SMYD3: variants seen among roughly 807,000 people sequenced by gnomAD.
SMYD3 encodes the protein SET and MYND domain containing 3.
A neutral mutation model predicts 57.7 loss-of-function variants in SMYD3; 36 were observed. The observed-to-expected ratio is 0.62, with a 90% CI of 0.48 to 0.82. SMYD3 has a LOEUF of 0.82. Ranked by LOEUF, SMYD3 falls within the 40% of genes least tolerant of loss-of-function variation. The pLI is 0.00. For missense variants in SMYD3, 515 were observed against 538.8 expected (o/e 0.96, Z 0.44); for synonymous variants, 211 against 195.0 (o/e 1.08, Z -0.68).
chr1:245,751,408 CA>C (rs1458029409), intron 11 of SMYD3, among the ~76,000 whole-genome samples: 5 of 152,128 alleles, frequency 3.3e-5, no homozygotes, highest in Admixed American at 2.6e-4. Context: ...CAAAGCATTT[CA>C]GGGGGATGGG....
At chr1:246,090,570 T>C (rs1316374978) in intron 5 of SMYD3, among the ~76,000 whole-genome samples, 1 of 148,050 alleles carries the variant, frequency 6.8e-6, no homozygotes, top group Admixed American at 6.9e-5. Context: ...CAGGATGGAA[T>C]GCAGTGGCTG....
chr1:246,433,344 C>T (rs1176527275), intron 1 of SMYD3, among the ~76,000 whole-genome samples: 3 of 152,170 alleles, frequency 2.0e-5, no homozygotes, highest in Non-Finnish European at 2.9e-5. Context: ...ACATTCCATG[C>T]TCATGAATTA....
intron 8 of SMYD3, among the ~76,000 whole-genome samples, chr1:245,880,904 C>T (rs2052744669): frequency 6.6e-6 from 1 of 152,158 alleles, no homozygotes; most frequent in African/African-American, 2.4e-5. Context: ...AAGAGTGGAA[C>T]ATTGTGCTCA....
At chr1:245,753,380 C>T (rs554881110) in intron 11 of SMYD3, among the ~76,000 whole-genome samples, 55 of 152,120 alleles carry the variant, frequency 3.6e-4, no homozygotes, top group African/African-American at 5.5e-4. Context: ...GAGAGAAAAA[C>T]GAGAAGAAAG....
chr1:245,915,203 C>T (rs926470667), intron 8 of SMYD3, among the ~76,000 whole-genome samples: 5 of 152,234 alleles, frequency 3.3e-5, no homozygotes, highest in African/African-American at 4.8e-5. Flanking sequence ...TCAATCATAA[C>T]GTAATTCAAC....
At chr1:246,449,684 C>T (rs948721172) in intron 1 of SMYD3, among the ~76,000 whole-genome samples, 5 of 152,178 alleles carry the variant, frequency 3.3e-5, no homozygotes, top group Non-Finnish European at 7.3e-5. Flanking sequence ...GAACAATAAG[C>T]ACCCACTGCT....
intron 1 of SMYD3, among the ~76,000 whole-genome samples, chr1:246,367,538 T>C (rs919105186): frequency 2.0e-5 from 3 of 152,174 alleles, no homozygotes; most frequent in African/African-American, 7.2e-5. Flanking sequence ...GTTGAAGCAA[T>C]TCTTATGCCT....
intron 5 of SMYD3, among the ~76,000 whole-genome samples, chr1:246,061,222 C>A (rs2060247142): frequency 6.6e-6 from 1 of 152,120 alleles, no homozygotes. Flanking sequence ...GACTCCGTCA[C>A]ACGCACACAC....
rs1341359765 is a variant in SMYD3 at position 246,163,771 on chromosome 1, G to A, written c.531+163430C>T. ...CAGGAAATCGGCAATGATATGGAAG[G>A]AAAGTGCTTCTGAGACCTGGATGCT... is the stretch of plus-strand genomic sequence containing the variant. On this transcript the variant is annotated intron_variant, in intron 5 of 11. Coordinates refer to ENST00000490107, the MANE Select transcript of SMYD3 (RefSeq NM_001167740.2). Among the ~76,000 whole-genome samples, 3 of 152,348 alleles carry A rather than the reference G, an allele frequency of 2.0e-5. No individual in the cohort carries two copies. The South Asian group carries it at 6.2e-4, about 32-fold the overall frequency.
At chr1:246,506,620 A>T (rs886787555) in intron 1 of SMYD3, among the ~76,000 whole-genome samples, 7 of 152,036 alleles carry the variant, frequency 4.6e-5, no homozygotes, top group Admixed American at 1.3e-4. Flanking sequence ...GGGCCTCTGC[A>T]GGGGAGCCTG....
intron 5 of SMYD3, among the ~76,000 whole-genome samples, chr1:246,234,423 C>T (rs1305830078): frequency 2.0e-5 from 3 of 151,864 alleles, no homozygotes; most frequent in Admixed American, 2.0e-4. Context: ...TCCATTCACA[C>T]TGTGATGAAC....
intron 1 of SMYD3, among the ~76,000 whole-genome samples, chr1:246,416,821 A>T (rs751228137): frequency 2.0e-5 from 3 of 152,086 alleles, no homozygotes; most frequent in Non-Finnish European, 4.4e-5. Flanking sequence ...CAACTCCCAA[A>T]GCACAGAGAG....
chr1:246,213,712 C>T (rs2063122760), intron 5 of SMYD3, among the ~76,000 whole-genome samples: 1 of 152,178 alleles, frequency 6.6e-6, no homozygotes, highest in African/African-American at 2.4e-5. Context: ...ATTCTCACTT[C>T]AGCATGATGA....
At chr1:246,115,532 G>A (rs2061329097) in intron 5 of SMYD3, among the ~76,000 whole-genome samples, 1 of 152,110 alleles carries the variant, frequency 6.6e-6, no homozygotes, top group African/African-American at 2.4e-5. Context: ...AAAATAGCTA[G>A]TACCCAAAAA....
At chr1:245,787,647 C>A (rs6682204) in intron 10 of SMYD3, among the ~76,000 whole-genome samples, 1 of 151,384 alleles carries the variant, frequency 6.6e-6, no homozygotes, top group South Asian at 2.1e-4. Context: ...AAAAGGCAAC[C>A]TTATTAGATG....
rs190513550 is a variant in SMYD3, at chr1:245,888,006, C to T, written c.814-24120G>A. Among the ~76,000 whole-genome samples, 300 of 152,222 alleles carry T rather than the reference C, an allele frequency of 2.0e-3. 1 individual carries two copies. The highest frequency in any genetic ancestry group is 6.5e-3 in the African/African-American group (270 of 41,546). On this transcript the variant is annotated intron_variant, in intron 8 of 11. Transcript: ENST00000490107. ...TATTTAAGCCCTAAGCAATATAAGA[C>T]GCCTTATTTCCAGAGAGTTAATGTT...
intron 5 of SMYD3, among the ~76,000 whole-genome samples, chr1:246,030,101 G>C (rs557486674): frequency 4.3e-4 from 64 of 150,466 alleles, no homozygotes; most frequent in Non-Finnish European, 8.3e-4. Context: ...CTAAGATACT[G>C]AATCAACCTA....
At chr1:246,206,856 T>TATATTTATA (rs2063008495) in intron 5 of SMYD3, among the ~76,000 whole-genome samples, 1 of 152,240 alleles carries the variant, frequency 6.6e-6, no homozygotes, top group Non-Finnish European at 1.5e-5. Context: ...TTTTATAAAC[T>TATATTTATA]GTATAACAGC....
At chr1:245,772,174 C>T (rs1457207564) in intron 10 of SMYD3, among the ~76,000 whole-genome samples, 1 of 152,230 alleles carries the variant, frequency 6.6e-6, no homozygotes, top group African/African-American at 2.4e-5. Flanking sequence ...GATGGATCTG[C>T]ACTCCCCCAT....
Sources: gnomAD v4.1 joint callset for allele counts (sites outside exome capture counted in the v4.1 genomes callset) on GRCh38, gnomAD v4.1.1 for gene constraint, MANE v1.5 for transcripts, NCBI Gene and HGNC (gene_info 2026-07-23, HGNC 2026-07-21) for gene names.